The following GPR108 variants were observed in gnomAD, a reference collection of about 807,000 sequenced individuals.
GPR108 encodes the protein G protein-coupled receptor 108.
A neutral mutation model predicts 74.3 loss-of-function variants in GPR108; 60 were observed. That is an observed-to-expected ratio of 0.81 (90% confidence interval 0.66 to 1.00). The LOEUF (loss-of-function observed/expected upper bound fraction) is 1.00. Among genes scored for constraint, GPR108 ranks in the 50% least tolerant of loss-of-function variants. The pLI, the probability that GPR108 is intolerant of heterozygous loss-of-function variation, is 0.00. For synonymous variants in GPR108, 311 were observed against 292.4 expected, an observed-to-expected ratio of 1.06 and a Z score of -0.65; for missense variants, 667 against 703.3, an observed-to-expected ratio of 0.95 and a Z score of 0.58.
Position 6,737,478 on chromosome 19 carries a change from G to A in GPR108, c.99C>T (p.Arg33=). ...TCACCGTCAGCGCCAGCTGGTGGATGCGCCCGGAGCAGCCACCCAGCAGCA... is the reference window on the plus strand; with the variant it reads ...TCACCGTCAGCGCCAGCTGGTGGATACGCCCGGAGCAGCCACCCAGCAGCA... The part of the protein sequence containing the change: ...LVLLLGGCSG[R]IHQLALTGEK... The change falls in exon 1 of 18, where the codon CGC becomes CGT. Residue 33 remains arginine, a synonymous_variant. Coordinates refer to ENST00000264080, the MANE Select transcript of GPR108 (RefSeq NM_001080452.2). 6.3e-7 allele frequency: 1 copy of A among 1,586,442 alleles called. No individual in the cohort carries two copies. Among genetic ancestry groups the A allele is most frequent in the South Asian group, 1.1e-5 (1 of 90,072 alleles).
Position 6,730,311 on chromosome 19 carries a change from A to G in GPR108, c.*1T>C, listed in dbSNP as rs1261217941. 2 of 1,613,408 alleles carry G rather than the reference A, an allele frequency of 1.2e-6. No individual in the cohort carries two copies. On this transcript the variant is annotated 3_prime_UTR_variant, in exon 18 of 18. Transcript: ENST00000264080. The stretch of plus-strand genomic sequence containing the variant: ...CCCTTTGGTCTGAGATGTGGAGGTG[A>G]TCATAACAGTTCCCGCCCGCTGGCT...
At chr19:6,736,545 G>A (rs760841738) in intron 2 of GPR108, 47 bp downstream of exon 2, 2 of 1,579,432 alleles carry the variant, frequency 1.3e-6, no homozygotes, top group East Asian at 2.3e-5. Context: ...CCAGAACCGG[G>A]GGATTGCACC....
intron 4 of GPR108, 130 bp downstream of exon 4, chr19:6,735,492 G>A: frequency 1.3e-6 from 1 of 784,338 alleles, no homozygotes; most frequent in Middle Eastern, 2.4e-4. Flanking sequence ...AAGACTTGAA[G>A]GCAAAACTAA....
intron 4 of GPR108, chr19:6,735,337 G>A (rs339399): frequency 0.53 from 170,051 of 322,036 alleles, 46,065 homozygotes; most frequent in African/African-American, 0.63. Context: ...GGGTGAGTTA[G>A]TGTATTAAAG....
Position 6,730,099 on chromosome 19 carries a change from G to A in GPR108, c.*213C>T, listed in dbSNP as rs139553793. 44 of 587,324 alleles carry A rather than the reference G, an allele frequency of 7.5e-5. No individual in the cohort carries two copies. The highest frequency in any genetic ancestry group is 5.1e-4 in the Admixed American group (17 of 33,338). 36.4% of individuals were successfully genotyped at this position (587,324 alleles called of 1,614,324 possible). On this transcript the variant is annotated 3_prime_UTR_variant, in exon 18 of 18. Transcript: ENST00000264080. ...TTATTGTACACATAGCTGGAAGGGA[G>A]GGGTGGTCCCGGGGTAAGGACAGGG...
chr19:6,733,491 T>C lies in GPR108; in HGVS notation c.723+79A>G. ...CGCACCCGGGAGGGCTGGGAAAAGC[T>C]AAGCGGGGTGAGGCACTCTGGGCCC... On this transcript the variant is annotated intron_variant, in intron 8 of 17. Transcript: ENST00000264080. 5 of 1,476,754 alleles carry C rather than the reference T, an allele frequency of 3.4e-6. No homozygotes were observed. In the South Asian group the frequency reaches 5.7e-5, roughly 17 times the overall value. The allele number at this position is 1,476,754 out of a possible 1,614,324, so 91.5% of individuals were successfully genotyped here. A position where few individuals can be genotyped will look rare whatever the true frequency, so the allele number is the denominator to read the frequency against.
Position 6,731,581 on chromosome 19 carries a change from G to C in GPR108, c.1301-59C>G, listed in dbSNP as rs1052793788. On this transcript the variant is annotated intron_variant, in intron 14 of 17. Transcript: ENST00000264080. ...GACTGAGGGTGGGAGGGAGGGGAGG[G>C]GGCTGGGGGCTGGGAGAGGTGACAA... 4 of 937,044 alleles carry C rather than the reference G, an allele frequency of 4.3e-6. No individual in the cohort carries two copies. The African/African-American group carries it at 6.7e-5, about 16-fold the overall frequency. The allele number at this position is 937,044 out of a possible 1,614,324, so 58.0% of individuals were successfully genotyped here. A position where few individuals can be genotyped will look rare whatever the true frequency, so the allele number is the denominator to read the frequency against.
At position 6,736,565 on chromosome 19, in the gene GPR108, T is replaced by C. The variant is rs188149291; in HGVS notation, c.240+27A>G. The C allele has an allele frequency of 4.8e-4, 773 of 1,605,588 alleles. 3 individuals are homozygous for C. The African/African-American group carries it at 9.5e-3, about 20-fold the overall frequency. The stretch of plus-strand genomic sequence containing the variant: ...ACCGGGGGATTGCACCGTGCTCTCC[T>C]CCAGCAAACTCCTCAAGGTCCCTCA... On this transcript the variant is annotated intron_variant, in intron 2 of 17. Coordinates refer to ENST00000264080, the MANE Select transcript of GPR108 (RefSeq NM_001080452.2).
chr19:6,735,943 T>C lies in GPR108; in HGVS notation c.256A>G (p.Ser86Gly), dbSNP rs973188229. 6.2e-7 allele frequency: 1 copy of C among 1,610,586 alleles called. No homozygotes were observed. Among genetic ancestry groups the C allele is most frequent in the Middle Eastern group, 1.7e-4 (1 of 6,058 alleles). The stretch of plus-strand genomic sequence containing the variant: ...CGAACTCTGCCAGACCGAACCCGGC[T>C]GAGACTGAACCCCACCTGGTGGGTG... ...EKSLLVGFSL[S>G]RVRSGRVRSY... Residue 86 changes from serine to glycine, a missense_variant, in exon 3 of 18, where the codon AGC (serine) becomes GGC (glycine). By Grantham distance (56) the Ser-to-Gly change is moderately conservative (BLOSUM62 0). Coordinates refer to ENST00000264080, the MANE Select transcript of GPR108 (RefSeq NM_001080452.2).
In GPR108 at chr19:6,730,678, G is replaced by C. The variant is rs957999756; in HGVS notation, c.1560-294C>G. On this transcript the variant is annotated intron_variant, in intron 17 of 17. Coordinates refer to ENST00000264080, the MANE Select transcript of GPR108 (RefSeq NM_001080452.2). ...TGCCATAGCAGCCCAGGCCCCACCC[G>C]TTCTACCCGAACTACCTAGGCCCCG... 2.9e-4 allele frequency: 91 copies of C among 309,030 alleles called. No individual in the cohort carries two copies. The East Asian group carries it at 5.6e-3, about 19-fold the overall frequency. The allele number at this position is 309,030 out of a possible 1,614,324, so 19.1% of individuals were successfully genotyped here.
At position 6,732,551 on chromosome 19, in the gene GPR108, T is replaced by C. The variant is rs201674008; in HGVS notation, c.934-2A>G. 5.5e-5 allele frequency: 88 copies of C among 1,608,638 alleles called. No homozygotes were observed. The highest frequency in any genetic ancestry group is 6.8e-5 in the Non-Finnish European group (80 of 1,177,866). On this transcript the variant is annotated splice_acceptor_variant, in intron 10 of 17. Coordinates refer to ENST00000264080, the MANE Select transcript of GPR108 (RefSeq NM_001080452.2). LOFTEE classifies it high-confidence loss of function. ...GCTGTTGATGAAGTAGTAGTTGATC[T>C]GGGGGTGGATGGACAGACGGACAGT...
In GPR108 at chr19:6,733,531, G is replaced by C. The variant is rs765683552; in HGVS notation, c.723+39C>G. On this transcript the variant is annotated intron_variant, in intron 8 of 17. Coordinates refer to ENST00000264080, the MANE Select transcript of GPR108 (RefSeq NM_001080452.2). ...ACTCTGGGCCCGCAGTGGCCTGCAG[G>C]GGGCGCTCCCTGGCCCTGCTGCCCT... 6 of 1,580,106 alleles carry C rather than the reference G, an allele frequency of 3.8e-6. No homozygotes were observed. The South Asian group carries it at 5.5e-5, about 15-fold the overall frequency.
chr19:6,734,261 G>GA lies in GPR108; in HGVS notation c.420dup (p.Pro141SerfsTer46). 1 of 1,614,034 alleles carries GA rather than the reference G, an allele frequency of 6.2e-7. No individual in the cohort carries two copies. Among genetic ancestry groups the GA allele is most frequent in the Non-Finnish European group, 8.5e-7 (1 of 1,179,984 alleles). On this transcript the variant is annotated frameshift_variant, in exon 5 of 18. Coordinates refer to ENST00000264080, the MANE Select transcript of GPR108 (RefSeq NM_001080452.2). LOFTEE classifies it high-confidence loss of function. ...GAGGGTGCTTCCGGGAGGAGCCCGG[G>GA]AAAGATAAACAACGTCTTCTGCTCT... is the stretch of plus-strand genomic sequence containing the variant.
intron 17 of GPR108, among the ~76,000 whole-genome samples, chr19:6,730,744 C>T (rs1296014929): frequency 6.7e-6 from 1 of 148,284 alleles, no homozygotes; most frequent in East Asian, 2.0e-4. Context: ...GTCTCCCTAG[C>T]GGCCCTAACC....
chr19:6,735,635 T>C lies in GPR108; in HGVS notation c.361A>G (p.Thr121Ala), dbSNP rs1299927945. Residue 121 changes from threonine to alanine, a missense_variant, in exon 4 of 18, where the codon ACC (threonine) becomes GCC (alanine). Physicochemically the swap from Thr to Ala is moderately conservative, Grantham distance 58 (BLOSUM62 0). Coordinates refer to ENST00000264080, the MANE Select transcript of GPR108 (RefSeq NM_001080452.2). ...SSFLVLFLIN[T>A]KDLQVQVRKY... is the part of the protein sequence containing the mutation. ...TCCCCAACTCACTGCAGATCCTTGG[T>C]GTTGATGAGGAACAGGACCAGGAAA... 1 of 1,613,898 alleles carries C rather than the reference T, an allele frequency of 6.2e-7. No homozygotes were observed. Among genetic ancestry groups the C allele is most frequent in the East Asian group, 2.2e-5 (1 of 44,878 alleles).
In GPR108 at chr19:6,737,538, G is replaced by A. The variant is rs747957154; in HGVS notation, c.39C>T (p.Ser13=). ...GTAGCCGCTGCCCCCACTCCGCGGG[G>A]CTCCCGCGGCCGAGCCCCCTCCTCT... ...VSERRGLGRG[S]PAEWGQRLLL... is the part of the protein sequence containing the mutation. The change falls in exon 1 of 18, where the codon AGC becomes AGT. Residue 13 remains serine, a synonymous_variant. Transcript: ENST00000264080. 2 of 1,552,010 alleles carry A rather than the reference G, an allele frequency of 1.3e-6. No individual in the cohort carries two copies. Among genetic ancestry groups the A allele is most frequent in the Non-Finnish European group, 1.7e-6 (2 of 1,156,686 alleles).
chr19:6,733,391 C>A lies in GPR108; in HGVS notation c.724-90G>T, dbSNP rs1305253667. ...CGAGTGGGGGTCTCCAGCTCTCTCA[C>A]TTTCTACTGGGCCACTCATCCACTC... On this transcript the variant is annotated intron_variant, in intron 8 of 17. Coordinates refer to ENST00000264080, the MANE Select transcript of GPR108 (RefSeq NM_001080452.2). The A allele has an allele frequency of 2.8e-6, 4 of 1,415,808 alleles. No homozygotes were observed. The African/African-American group carries it at 4.2e-5, about 15-fold the overall frequency. 87.7% of individuals were successfully genotyped at this position (1,415,808 alleles called of 1,614,324 possible).
In GPR108 at chr19:6,733,761, C is replaced by T. The variant is rs78848320; in HGVS notation, c.618+84G>A. ...AGCTTGGGGGTCCCATGGTCTGGGG[C>T]GATGGTAGGGCTGCAGGAGGGCTCA... On this transcript the variant is annotated intron_variant, in intron 7 of 17. Transcript: ENST00000264080. 1,663 of 1,580,396 alleles carry T rather than the reference C, an allele frequency of 1.1e-3. 12 individuals are homozygous for T. The African/African-American group carries it at 0.018, about 17-fold the overall frequency.
chr19:6,734,370 A>G (rs1377116588), intron 4 of GPR108, 63 bp from the exon 5 acceptor site: 5 of 1,550,836 alleles, frequency 3.2e-6, no homozygotes, highest in South Asian at 1.2e-5. Context: ...GCACCGGCAA[A>G]GGACTCAGTG....
Sources: allele counts gnomAD v4.1 joint callset (sites outside exome capture counted in the v4.1 genomes callset), GRCh38; gene constraint gnomAD v4.1.1; transcripts MANE v1.5; gene names NCBI Gene and HGNC (gene_info 2026-07-23, HGNC 2026-07-21).